STARD9: variants seen among roughly 807,000 people sequenced by gnomAD.
STARD9 encodes StAR related lipid transfer domain containing 9, also known as stAR-related lipid transfer protein 9.
Under a neutral mutation model 399.8 loss-of-function variants are expected in STARD9, and 346 were observed. That is an observed-to-expected ratio of 0.87 (90% CI 0.79 to 0.95). The LOEUF is 0.95. STARD9 is among the 40% of genes least tolerant of loss of function. STARD9 has a pLI of 0.00. For missense variants in STARD9, 5,832 were observed against 5,667.5 expected, an observed-to-expected ratio of 1.03 and a Z score of -0.93; for synonymous variants, 2,203 against 2,143.5, an observed-to-expected ratio of 1.03 and a Z score of -0.77.
At chr15:42,718,987 CT>C (rs1366410268) in intron 32 of STARD9, 77 bp downstream of exon 32, 8 of 1,354,134 alleles carry the variant, frequency 5.9e-6, no homozygotes, top group Non-Finnish European at 8.1e-6. Flanking sequence ...TTCTGTCTCG[CT>C]TTTGAACACC....
In STARD9 at chr15:42,652,530, G is replaced by T; in HGVS notation, c.640G>T (p.Ala214Ser). ...TCCTTGTATACACAGAATCACAGCA[G>T]CCACCCATGTTCATGAGGCCAGCAG... Reference protein sequence around the residue: ...EEGIANRITAATHVHEASSRS... With the variant: ...EEGIANRITASTHVHEASSRS... Residue 214 changes from alanine (A) to serine (S), a missense_variant, in exon 9 of 33, where the codon GCC (alanine) becomes TCC (serine). Physicochemically the swap from Ala to Ser is moderately conservative, Grantham distance 99. Transcript: ENST00000290607. 1 of 1,537,396 alleles carries T rather than the reference G, an allele frequency of 6.5e-7. No individual in the cohort carries two copies. Among genetic ancestry groups the T allele is most frequent in the Non-Finnish European group, 8.7e-7 (1 of 1,146,932 alleles).
intron 3 of STARD9, among the ~76,000 whole-genome samples, chr15:42,593,654 C>CTTTTTTTTT (rs71108170): frequency 3.0e-5 from 2 of 66,890 alleles, no homozygotes; most frequent in African/African-American, 5.8e-5. Flanking sequence ...GGTTGTGCTT[C>CTTTTTTTTT]TTTTTTTTTT....
chr15:42,614,048 C>T (rs1417767121), intron 3 of STARD9, among the ~76,000 whole-genome samples: 1 of 152,090 alleles, frequency 6.6e-6, no homozygotes, highest in Non-Finnish European at 1.5e-5. Flanking sequence ...CACGGTGTCT[C>T]ATGCCTGTAA....
chr15:42,679,161 C>T (rs951952999), intron 20 of STARD9, among the ~76,000 whole-genome samples: 3 of 152,140 alleles, frequency 2.0e-5, no homozygotes, highest in African/African-American at 7.2e-5. Flanking sequence ...GTCTGTGGGT[C>T]TTAGCTGGGT....
rs1172216169 is a variant in STARD9 at position 42,694,623 on chromosome 15, G to T, written c.12860G>T (p.Ser4287Ile). The change falls in exon 24 of 33, where the codon AGC becomes ATC. Residue 4287 changes from serine (S) to isoleucine (I), a missense_variant. Coordinates refer to ENST00000290607, the MANE Select transcript of STARD9 (RefSeq NM_020759.3). ...AGCCTTAGCCCTCAGAAACAACTGA[G>T]CCTCCTGCCCAACAAAGATCTCTTC... ...TRSLSPQKQL[S>I]LLPNKDLFIW... The T allele has an allele frequency of 5.9e-6, 9 of 1,537,092 alleles. No homozygotes were observed. The African/African-American group carries it at 1.2e-4, about 21-fold the overall frequency.
rs1271323311 is a variant in STARD9, at chr15:42,690,521, C to T, written c.8943C>T (p.Asp2981=). Residue 2981 remains aspartate, a synonymous_variant, in exon 23 of 33, where the codon GAC becomes GAT. Transcript: ENST00000290607. ...SSTLLCFRDG[D]LGKEPFKAAP... is the part of the protein sequence containing the mutation. Reference sequence around the variant, plus strand: ...CTTTACTGTGTTTTAGAGATGGTGACCTAGGGAAGGAGCCTTTCAAGGCTG... The same window carrying T: ...CTTTACTGTGTTTTAGAGATGGTGATCTAGGGAAGGAGCCTTTCAAGGCTG... 6 of 1,537,132 alleles carry T rather than the reference C, an allele frequency of 3.9e-6. No homozygotes were observed. The highest frequency in any genetic ancestry group is 3.9e-5 in the Admixed American group (2 of 50,992).
Position 42,602,229 on chromosome 15 carries a change from TC to T in STARD9, c.234+16593del, listed in dbSNP as rs2058644425. ...GACATGGCAATAGTATGCTCTGGCTTCTAGAACATGGCTGGGTGACTTTATC... is the reference window on the plus strand; with the variant it reads ...GACATGGCAATAGTATGCTCTGGCTTTAGAACATGGCTGGGTGACTTTATC... On this transcript the variant is annotated intron_variant, in intron 3 of 32. Transcript: ENST00000290607. 2.0e-5 allele frequency among the ~76,000 whole-genome samples: 3 copies of T among 152,216 alleles called. No individual in the cohort carries two copies. The South Asian group carries it at 6.2e-4, about 32-fold the overall frequency.
At position 42,690,019 on chromosome 15, in the gene STARD9, G is replaced by A; in HGVS notation, c.8441G>A (p.Ser2814Asn). 1 of 1,537,470 alleles carries A rather than the reference G, an allele frequency of 6.5e-7. No individual in the cohort carries two copies. Among genetic ancestry groups the A allele is most frequent in the Non-Finnish European group, 8.7e-7 (1 of 1,146,966 alleles). ...AQGEKTAHFE[S>N]QSVTCDVQNS... is the part of the protein sequence containing the mutation. ...GGAGAAAAAACAGCCCATTTTGAAA[G>A]TCAGTCTGTGACCTGTGATGTTCAG... Residue 2814 changes from serine to asparagine, a missense_variant, in exon 23 of 33, where the codon AGT becomes AAT. Physicochemically the swap from Ser to Asn is conservative, Grantham distance 46. Transcript: ENST00000290607.
chr15:42,634,887 C>G lies in STARD9; in HGVS notation c.266C>G (p.Ser89Cys). 1 of 1,536,234 alleles carries G rather than the reference C, an allele frequency of 6.5e-7. No individual in the cohort carries two copies. Among genetic ancestry groups the G allele is most frequent in the African/African-American group, 1.4e-5 (1 of 73,134 alleles). ...VFQDLGMEVL[S>C]GVAKGYNICL... is the part of the protein sequence containing the mutation. ...CAGGATTTAGGGATGGAAGTACTGT[C>G]TGGAGTTGCCAAAGGCTATAACATA... Residue 89 changes from serine to cysteine, a missense_variant, in exon 4 of 33, where the codon TCT becomes TGT. This residue lies in a region of STARD9 where 5,828 missense variants were observed against 5,651.1 expected (regional missense o/e 1.03). Transcript: ENST00000290607.
Position 42,689,688 on chromosome 15 carries a change from A to G in STARD9, c.8110A>G (p.Lys2704Glu), listed in dbSNP as rs1345332520. 6.5e-7 allele frequency: 1 copy of G among 1,537,706 alleles called. No individual in the cohort carries two copies. Among genetic ancestry groups the G allele is most frequent in the Non-Finnish European group, 8.7e-7 (1 of 1,147,010 alleles). ...CTCTAGTTCTTCTGAAATCATAGAG[A>G]AAAAGAAAGATGCAACCAGAACACC... is the stretch of plus-strand genomic sequence containing the variant. ...CHSSSSEIIE[K>E]KKDATRTPSS... is the part of the protein sequence containing the mutation. Residue 2704 changes from lysine (K) to glutamate (E), a missense_variant, in exon 23 of 33, where the codon AAA (lysine) becomes GAA (glutamate). Transcript: ENST00000290607.
chr15:42,638,976 C>T (rs2059479306), intron 7 of STARD9, among the ~76,000 whole-genome samples, 164 bp downstream of exon 7: 1 of 152,112 alleles, frequency 6.6e-6, no homozygotes, highest in Admixed American at 6.5e-5. Context: ...CGTGGTCCTG[C>T]CCTCAGGCAA....
At chr15:42,628,847 G>A (rs2059275972) in intron 3 of STARD9, among the ~76,000 whole-genome samples, 1 of 152,138 alleles carries the variant, frequency 6.6e-6, no homozygotes, top group African/African-American at 2.4e-5. Flanking sequence ...AGTATAATTT[G>A]AAGTACGGTA....
intron 12 of STARD9, 119 bp from the exon 13 acceptor site, chr15:42,663,701 A>G (rs530331777): frequency 6.5e-4 from 555 of 858,928 alleles, no homozygotes; most frequent in Non-Finnish European, 8.8e-4. Flanking sequence ...GGCCATGACC[A>G]CCTAGGTTTC....
chr15:42,658,418 C>T (rs1047391880), intron 9 of STARD9, among the ~76,000 whole-genome samples: 1 of 150,948 alleles, frequency 6.6e-6, no homozygotes, highest in Non-Finnish European at 1.5e-5. Context: ...TCAAGTGATC[C>T]TCCTGTCTCA....
At position 42,682,417 on chromosome 15, in the gene STARD9, A is replaced by G; in HGVS notation, c.2379A>G (p.Thr793=). Residue 793 remains threonine, a synonymous_variant, in exon 22 of 33, where the codon ACA becomes ACG. Transcript: ENST00000290607. ...EAQKRLEKLT[T]LCWLQDDSTQ... ...AGAAGAGACTGGAGAAGCTCACGACATTGTGCTGGCTCCAGGATGACAGCA... is the reference window on the plus strand; with the variant it reads ...AGAAGAGACTGGAGAAGCTCACGACGTTGTGCTGGCTCCAGGATGACAGCA... 6.5e-7 allele frequency: 1 copy of G among 1,537,204 alleles called. No homozygotes were observed. The highest frequency in any genetic ancestry group is 8.7e-7 in the Non-Finnish European group (1 of 1,146,882).
chr15:42,623,530 T>TA (rs1448119933), intron 3 of STARD9, among the ~76,000 whole-genome samples: 2 of 152,220 alleles, frequency 1.3e-5, no homozygotes, highest in African/African-American at 4.8e-5. Context: ...ACTCAATAAA[T>TA]ACTTTCTTCC....
chr15:42,639,227 G>T (rs541890756), intron 7 of STARD9, among the ~76,000 whole-genome samples: 2 of 152,230 alleles, frequency 1.3e-5, no homozygotes, highest in African/African-American at 2.4e-5. Flanking sequence ...GAGTGGAATG[G>T]ACTAGAGCCC....
chr15:42,635,323 C>CTTAT (rs1323951552), intron 4 of STARD9, among the ~76,000 whole-genome samples: 2 of 151,480 alleles, frequency 1.3e-5, no homozygotes, highest in Admixed American at 6.6e-5. Flanking sequence ...ATAATTAACC[C>CTTAT]TTATTTATTT....
At chr15:42,713,899 A>G (rs2061300263) in intron 26 of STARD9, among the ~76,000 whole-genome samples, 1 of 152,116 alleles carries the variant, frequency 6.6e-6, no homozygotes, top group East Asian at 1.9e-4. Context: ...GCCCTATAGA[A>G]TGAGTTGGCA....
Sources: allele counts gnomAD v4.1 joint callset (sites outside exome capture counted in the v4.1 genomes callset), GRCh38; gene constraint gnomAD v4.1.1; regional missense constraint gnomAD v4.1.1; transcripts MANE v1.5; gene names NCBI Gene and HGNC (gene_info 2026-07-23, HGNC 2026-07-21).